Variants in NBPF11 observed in about 807,000 individuals in gnomAD.
The protein encoded by NBPF11 is NBPF member 11.
Under a neutral mutation model 93.9 loss-of-function variants are expected in NBPF11, and 72 were observed. The observed-to-expected ratio is 0.77, with a 90% CI of 0.63 to 0.93. NBPF11 has a LOEUF of 0.93. NBPF11 is among the 40% of genes least tolerant of loss of function. The pLI is 0.00. For synonymous variants in NBPF11, 224 were observed against 304.9 expected (o/e 0.73, Z 2.76); for missense variants, 705 against 802.2 (o/e 0.88, Z 1.46).
chr1:148,142,840 A>G (rs1389523103), intron 2 of NBPF11, among the ~76,000 whole-genome samples: 2 of 152,162 alleles, frequency 1.3e-5, no homozygotes, highest in Admixed American at 6.5e-5. Flanking sequence ...TAAGTCCTAC[A>G]GGATTCTGGA....
chr1:148,140,946 A>C (rs1482805692), intron 2 of NBPF11, among the ~76,000 whole-genome samples: 1 of 152,054 alleles, frequency 6.6e-6, no homozygotes, highest in Non-Finnish European at 1.5e-5. Context: ...ACTGTGTTGT[A>C]GCCATACAAT....
chr1:148,122,177 T>A lies in NBPF11; in HGVS notation c.656A>T (p.Asp219Val). 3.1e-6 allele frequency: 5 copies of A among 1,612,788 alleles called. No homozygotes were observed. Among genetic ancestry groups the A allele is most frequent in the Non-Finnish European group, 4.2e-6 (5 of 1,179,528 alleles). Residue 219 changes from aspartate (D) to valine (V), a missense_variant, in exon 9 of 24, where the codon GAC (aspartate) becomes GTC (valine). By Grantham distance (152) the Asp-to-Val change is radical (BLOSUM62 -3). Around this residue, in one of 12 missense-constraint regions of NBPF11, gnomAD observed 262 missense variants for 223.1 expected, o/e 1.17. Transcript: ENST00000682118. Reference protein sequence around the residue: ...ITCSNSHGPCDSIQPHKNIKI... With the variant: ...ITCSNSHGPCVSIQPHKNIKI... ...GATGTTCTTGTGAGGCTGGATGGAG[T>A]CACAAGGGCCGTGGCTATTTGAACA...
chr1:148,149,448 A>C, intron 1 of NBPF11: 1 of 1,586,758 alleles, frequency 6.3e-7, no homozygotes. Flanking sequence ...CGCTGCCCCA[A>C]GGCGGTGGAG....
At chr1:148,139,947 T>G (rs1485098790) in intron 2 of NBPF11, among the ~76,000 whole-genome samples, 2 of 150,764 alleles carry the variant, frequency 1.3e-5, no homozygotes, top group South Asian at 2.1e-4. Context: ...TTTCCAAGTT[T>G]TACTACAATG....
chr1:148,135,061 C>T (rs1671053666), intron 4 of NBPF11: 2 of 148,280 alleles, frequency 1.3e-5, no homozygotes, highest in African/African-American at 5.1e-5. Flanking sequence ...AGAAGGCAGA[C>T]CCATCCCTGC....
chr1:148,150,413 G>A (rs1318583522), intron 1 of NBPF11, among the ~76,000 whole-genome samples: 2 of 150,640 alleles, frequency 1.3e-5, no homozygotes, highest in African/African-American at 4.9e-5. Flanking sequence ...TCACCTGCAC[G>A]TTTAAAATTG....
At chr1:148,134,751 C>T (rs1425562445) in intron 4 of NBPF11, among the ~76,000 whole-genome samples, 5 of 151,874 alleles carry the variant, frequency 3.3e-5, no homozygotes, top group African/African-American at 9.7e-5. Flanking sequence ...TACAGCCTCA[C>T]TCAATTATGT....
chr1:148,124,510 G>A (rs1668624038), intron 6 of NBPF11, among the ~76,000 whole-genome samples: 1 of 150,936 alleles, frequency 6.6e-6, no homozygotes, highest in African/African-American at 2.5e-5. Context: ...GGTCGAGAAG[G>A]CAACATTGAT....
chr1:148,119,186 A>AT (rs1667247094), intron 10 of NBPF11, among the ~76,000 whole-genome samples: 3 of 146,780 alleles, frequency 2.0e-5, no homozygotes, highest in Non-Finnish European at 4.5e-5. Context: ...AAAATCTTTG[A>AT]TTTTTTAATC....
At chr1:148,138,833 G>T (rs1418660516) in intron 2 of NBPF11, among the ~76,000 whole-genome samples, 1 of 151,872 alleles carries the variant, frequency 6.6e-6, no homozygotes, top group Non-Finnish European at 1.5e-5. Flanking sequence ...GCTCATATCT[G>T]TAATCCTAGC....
At chr1:148,111,128 C>A (rs1331643991) in intron 15 of NBPF11, among the ~76,000 whole-genome samples, 1 of 151,378 alleles carries the variant, frequency 6.6e-6, no homozygotes, top group African/African-American at 2.4e-5. Context: ...AGTGGACTTC[C>A]AGCAAACTCC....
At chr1:148,145,609 G>A (rs200632672) in intron 1 of NBPF11, among the ~76,000 whole-genome samples, 7 of 151,672 alleles carry the variant, frequency 4.6e-5, no homozygotes, top group African/African-American at 1.5e-4. Context: ...GGCCGGGTGC[G>A]GTAGCTCATG....
In NBPF11 at chr1:148,126,919, C is replaced by T. The variant is rs1669258667; in HGVS notation, c.85G>A (p.Ala29Thr). The change falls in exon 5 of 24, where the codon GCA (alanine) becomes ACA (threonine). Residue 29 changes from alanine to threonine, a missense_variant. This residue lies in a region of NBPF11 where 128 missense variants were observed against 112.8 expected (regional missense o/e 1.14). Coordinates refer to ENST00000682118, the MANE Select transcript of NBPF11 (RefSeq NM_001385469.3). ...TTTCTGAACTGCTGTTTGTTCTCTG[C>T]CAACTGGGGGCGCAATTTCTCGTTG... ...EINEKLRPQL[A>T]ENKQQFRNLK... The T allele has an allele frequency of 1.6e-5, 20 of 1,240,178 alleles. No homozygotes were observed. The highest frequency in any genetic ancestry group is 5.2e-5 in the Admixed American group (3 of 57,192). The allele number at this position is 1,240,178 out of a possible 1,614,324, so 76.8% of individuals were successfully genotyped here. A position where few individuals can be genotyped will look rare whatever the true frequency, so the allele number is the denominator to read the frequency against.
At chr1:148,129,555 A>G (rs1232300386) in intron 4 of NBPF11, 1 of 155,388 alleles carries the variant, frequency 6.4e-6, no homozygotes, top group African/African-American at 2.4e-5. Context: ...GGCAACAAGG[A>G]CCCACCTTCC....
intron 17 of NBPF11, 74 bp downstream of exon 17, chr1:148,109,210 T>C (rs1180198855): frequency 4.1e-6 from 4 of 980,070 alleles, no homozygotes; most frequent in East Asian, 4.7e-5. Context: ...ATTTTCAGCG[T>C]GTACTGTTTT....
At chr1:148,149,688 C>T in intron 1 of NBPF11, 2 of 694,644 alleles carry the variant, frequency 2.9e-6, no homozygotes, top group Non-Finnish European at 4.7e-6. Context: ...CCGCCCCGAC[C>T]CAGGGGCTGT....
At chr1:148,112,158 A>G (rs1237524199) in intron 15 of NBPF11, among the ~76,000 whole-genome samples, 4 of 144,218 alleles carry the variant, frequency 2.8e-5, no homozygotes, top group Non-Finnish European at 6.0e-5. Flanking sequence ...GTATGTATAT[A>G]TATATATTTT....
intron 9 of NBPF11, among the ~76,000 whole-genome samples, chr1:148,121,701 C>G (rs1309721684): frequency 6.6e-6 from 1 of 151,960 alleles, no homozygotes; most frequent in African/African-American, 2.4e-5. Flanking sequence ...GAGAGAGAGT[C>G]TAGCCTGACA....
chr1:148,144,537 C>T (rs1328883504), intron 1 of NBPF11, among the ~76,000 whole-genome samples: 1 of 151,694 alleles, frequency 6.6e-6, no homozygotes, highest in African/African-American at 2.4e-5. Flanking sequence ...GAAACAAAAT[C>T]TCTAATTTCC....
Sources: gnomAD v4.1 joint callset for allele counts (sites outside exome capture counted in the v4.1 genomes callset) on GRCh38, gnomAD v4.1.1 for gene constraint, gnomAD v4.1.1 regional missense constraint, MANE v1.5 for transcripts, NCBI Gene and HGNC (gene_info 2026-07-23, HGNC 2026-07-21) for gene names.